The following GRIK4 variants were observed in gnomAD, a reference collection of about 807,000 sequenced individuals.
GRIK4 encodes the protein glutamate receptor ionotropic, kainate 4.
GRIK4 carries 40 observed loss-of-function variants against 104.9 expected under a neutral mutation model. The observed-to-expected ratio is 0.38, with a 90% confidence interval of 0.30 to 0.50. GRIK4 has a LOEUF of 0.50. GRIK4 is among the 20% of genes least tolerant of loss of function. The probability of loss-of-function intolerance (pLI) is 0.93; values close to 1 mark genes in which losing one functional copy is unlikely to be tolerated. For missense variants in GRIK4, 1,047 were observed against 1,308.1 expected (o/e 0.80, Z 3.08); for synonymous variants, 485 against 524.9 (o/e 0.92, Z 1.04).
chr11:120,802,655 G>A (rs749775517), intron 3 of GRIK4, 38 bp from the exon 4 acceptor site: 1 of 1,577,504 alleles, frequency 6.3e-7, no homozygotes. Flanking sequence ...CAGTAGCGGT[G>A]GAGTACCAAT....
chr11:120,644,062 GA>G (rs1466983582), intron 1 of GRIK4, among the ~76,000 whole-genome samples: 7,961 of 46,856 alleles, frequency 0.17, 387 homozygotes, highest in African/African-American at 0.24. Context: ...AGAGAGAGGA[GA>G]GAGAGAGAGA....
chr11:120,938,017 C>T lies in GRIK4; in HGVS notation c.1477-2330C>T, dbSNP rs376798393. Among the ~76,000 whole-genome samples the T allele has an allele frequency of 5.9e-4, 90 of 152,192 alleles. 3 individuals carry two copies. The South Asian group carries it at 0.018, about 31-fold the overall frequency. On this transcript the variant is annotated intron_variant, in intron 13 of 20. Coordinates refer to ENST00000527524, the MANE Select transcript of GRIK4 (RefSeq NM_014619.5). ...GAATGGATGCCACGTTTACCTCATG[C>T]CCATTTCATCACTTTTAATTTTTCT...
chr11:120,737,324 A>G (rs573791408), intron 3 of GRIK4, among the ~76,000 whole-genome samples: 1 of 152,360 alleles, frequency 6.6e-6, no homozygotes, highest in South Asian at 2.1e-4. Flanking sequence ...TTATGGATCC[A>G]AAGTCTAGAC....
intron 1 of GRIK4, among the ~76,000 whole-genome samples, chr11:120,582,933 A>G (rs1039800290): frequency 9.9e-5 from 15 of 152,204 alleles, no homozygotes; most frequent in African/African-American, 3.6e-4. Context: ...AAATTGCCAC[A>G]CTGGTTTCCA....
intron 3 of GRIK4, among the ~76,000 whole-genome samples, chr11:120,756,824 T>A (rs1405767059): frequency 6.6e-6 from 1 of 152,242 alleles, no homozygotes; most frequent in Non-Finnish European, 1.5e-5. Context: ...CCCTGGCAGC[T>A]TCTCTGCAGG....
At chr11:120,703,676 G>T (rs1185304123) in intron 3 of GRIK4, among the ~76,000 whole-genome samples, 1 of 152,096 alleles carries the variant, frequency 6.6e-6, no homozygotes, top group East Asian at 1.9e-4. Context: ...CGTATCTCCT[G>T]AGCAGCAAAT....
intron 3 of GRIK4, among the ~76,000 whole-genome samples, chr11:120,739,334 T>C (rs1951285650): frequency 1.3e-5 from 2 of 152,258 alleles, no homozygotes; most frequent in Non-Finnish European, 2.9e-5. Flanking sequence ...CAATCTTAGC[T>C]GATCTGGCCC....
intron 8 of GRIK4, among the ~76,000 whole-genome samples, chr11:120,860,282 G>A (rs765596077): frequency 2.6e-5 from 4 of 151,990 alleles, no homozygotes; most frequent in Non-Finnish European, 4.4e-5. Flanking sequence ...CGGGAGCGGG[G>A]ATCAGTGAGC....
intron 20 of GRIK4, among the ~76,000 whole-genome samples, chr11:120,984,930 G>A (rs894898034): frequency 3.3e-5 from 5 of 149,474 alleles, no homozygotes; most frequent in East Asian, 2.0e-4. Context: ...CCAGGTTTAC[G>A]TGATTTTCCC....
intron 1 of GRIK4, among the ~76,000 whole-genome samples, chr11:120,537,109 G>C (rs1013373844): frequency 6.6e-6 from 1 of 152,196 alleles, no homozygotes; most frequent in African/African-American, 2.4e-5. Context: ...TTCCTGGGAG[G>C]TGTCCTCAAA....
rs770228738 is a variant in GRIK4 at position 120,660,372 on chromosome 11, C to G, written c.54C>G (p.Val18=). 1.2e-6 allele frequency: 2 copies of G among 1,612,972 alleles called. No homozygotes were observed. Among genetic ancestry groups the G allele is most frequent in the Non-Finnish European group, 1.7e-6 (2 of 1,179,908 alleles). Residue 18 remains valine, a synonymous_variant, in exon 3 of 21, where the codon GTC becomes GTG. Transcript: ENST00000527524. ...LVLLPAWLVM[V]ACSPHSLRIA... Reference sequence around the variant, plus strand: ...TGCTTCCTGCGTGGCTCGTGATGGTCGCCTGCAGCCCGCACTCCTTGAGGA... The same window carrying G: ...TGCTTCCTGCGTGGCTCGTGATGGTGGCCTGCAGCCCGCACTCCTTGAGGA...
At chr11:120,687,247 CAG>C (rs1284128659) in intron 3 of GRIK4, among the ~76,000 whole-genome samples, 1 of 151,544 alleles carries the variant, frequency 6.6e-6, no homozygotes, top group Non-Finnish European at 1.5e-5. Flanking sequence ...TGGATACAGG[CAG>C]AGTCAGGGAC....
rs145383703 is a variant in GRIK4, at chr11:120,875,357, G to A, written c.1164+114G>A. 1,173 of 717,556 alleles carry A rather than the reference G, an allele frequency of 1.6e-3. 1 individual carries two copies. Among genetic ancestry groups the A allele is most frequent in the Admixed American group, 3.2e-3 (155 of 49,026 alleles). 44.4% of individuals were successfully genotyped at this position (717,556 alleles called of 1,614,324 possible). A position where few individuals can be genotyped will look rare whatever the true frequency, so the allele number is the denominator to read the frequency against. On this transcript the variant is annotated intron_variant, in intron 11 of 20. Transcript: ENST00000527524. ...CAGTTATCCCCAACAGCAGCAGGCT[G>A]GATCCTGGGCAAGGCTCCTGACCTG...
intron 3 of GRIK4, among the ~76,000 whole-genome samples, chr11:120,723,365 C>T (rs555729953): frequency 5.9e-5 from 9 of 152,302 alleles, no homozygotes; most frequent in Non-Finnish European, 1.0e-4. Flanking sequence ...GACAGCTGAT[C>T]GGCCTCCATT....
At chr11:120,600,101 T>A (rs2135127756) in intron 1 of GRIK4, among the ~76,000 whole-genome samples, 1 of 151,950 alleles carries the variant, frequency 6.6e-6, no homozygotes, top group Non-Finnish European at 1.5e-5. Context: ...CCAGGGAGAG[T>A]AGTGCTGGCA....
At chr11:120,860,179 G>A (rs1486454379) in intron 8 of GRIK4, among the ~76,000 whole-genome samples, 4 of 152,226 alleles carry the variant, frequency 2.6e-5, no homozygotes. Context: ...CCCCCAGGGT[G>A]TGGATCTGTG....
At chr11:120,836,415 T>C (rs1953576491) in intron 7 of GRIK4, among the ~76,000 whole-genome samples, 1 of 152,236 alleles carries the variant, frequency 6.6e-6, no homozygotes, top group African/African-American at 2.4e-5. Flanking sequence ...GCCATTGTTA[T>C]TGTTAATAGC....
In GRIK4 at chr11:120,572,521, G is replaced by A. The variant is rs1231152956; in HGVS notation, c.-159+60634G>A. 2.0e-5 allele frequency among the ~76,000 whole-genome samples: 3 copies of A among 152,094 alleles called. No individual in the cohort carries two copies. The East Asian group carries it at 5.8e-4, about 29-fold the overall frequency. On this transcript the variant is annotated intron_variant, in intron 1 of 20. Transcript: ENST00000527524. ...CCTGTCTCCTTCGCAGGCTGTCTTT[G>A]GGAAGATTTGCCTGGCCTGCTTTAA...
At chr11:120,515,581 C>T (rs1264058696) in intron 1 of GRIK4, among the ~76,000 whole-genome samples, 2 of 152,190 alleles carry the variant, frequency 1.3e-5, no homozygotes, top group Admixed American at 6.5e-5. Context: ...ATCGTCTGTC[C>T]GTTTGTCTCC....
Sources: gnomAD v4.1 joint callset for allele counts (sites outside exome capture counted in the v4.1 genomes callset) on GRCh38, gnomAD v4.1.1 for gene constraint, MANE v1.5 for transcripts, NCBI Gene and HGNC (gene_info 2026-07-23, HGNC 2026-07-21) for gene names.